The following HEXB variants were observed in gnomAD, a reference collection of about 807,000 sequenced individuals.
The protein encoded by HEXB is beta-hexosaminidase subunit beta.
In HEXB, 51 loss-of-function variants were observed where a neutral mutation model predicts 71.2. The observed-to-expected ratio is 0.72, with a 90% confidence interval of 0.57 to 0.90. The LOEUF (loss-of-function observed/expected upper bound fraction) is 0.90, where lower values mean the gene tolerates loss of function less well. Among genes scored for constraint, HEXB ranks in the 40% least tolerant of loss-of-function variants. The pLI is 0.00. For synonymous variants in HEXB, 266 were observed against 249.3 expected, an observed-to-expected ratio of 1.07 and a Z score of -0.63; for missense variants, 617 against 677.0, an observed-to-expected ratio of 0.91 and a Z score of 0.98.
chr5:74,702,295 G>T (rs1186831865), intron 5 of HEXB, among the ~76,000 whole-genome samples: 2 of 151,166 alleles, frequency 1.3e-5, no homozygotes, highest in Non-Finnish European at 2.9e-5. Flanking sequence ...AGCCGGGATG[G>T]TCTCGATCTC....
chr5:74,672,844 T>C (rs1475959970), intron 1 of HEXB, among the ~76,000 whole-genome samples: 1 of 152,214 alleles, frequency 6.6e-6, no homozygotes, highest in Non-Finnish European at 1.5e-5. Context: ...GAAGGAAGGT[T>C]AAGAAGGACT....
intron 11 of HEXB, 68 bp from the exon 12 acceptor site, chr5:74,720,360 C>A (rs750759385): frequency 8.5e-7 from 1 of 1,174,004 alleles, no homozygotes; most frequent in Non-Finnish European, 1.3e-6. Flanking sequence ...GGAAACAAAT[C>A]TTGATGAAAT....
upstream of HEXB, among the ~76,000 whole-genome samples, chr5:74,681,953 T>C (rs1359457558): frequency 6.6e-6 from 1 of 152,242 alleles, no homozygotes; most frequent in Non-Finnish European, 1.5e-5. Flanking sequence ...ATCATTTGGT[T>C]GGGAGAAGCC....
intron 3 of HEXB, among the ~76,000 whole-genome samples, chr5:74,696,045 C>T (rs756082111): frequency 3.3e-5 from 5 of 152,086 alleles, no homozygotes; most frequent in African/African-American, 1.2e-4. Flanking sequence ...GTTGGAGAGA[C>T]AGGAAGGCGT....
intron 1 of HEXB, among the ~76,000 whole-genome samples, chr5:74,653,526 G>A (rs1277710676): frequency 6.6e-6 from 1 of 152,162 alleles, no homozygotes. Flanking sequence ...GGGCTTCTGT[G>A]ATCAATTCCT....
At chr5:74,682,846 A>C (rs1748764302), upstream of HEXB, among the ~76,000 whole-genome samples, 1 of 152,220 alleles carries the variant, frequency 6.6e-6, no homozygotes, top group South Asian at 2.1e-4. Flanking sequence ...ATCCATCATG[A>C]GTCATGGCTG....
At chr5:74,714,591 G>A (rs1749629235) in intron 7 of HEXB, among the ~76,000 whole-genome samples, 1 of 152,236 alleles carries the variant, frequency 6.6e-6, no homozygotes, top group Non-Finnish European at 1.5e-5. Flanking sequence ...TTTGGAGCCA[G>A]ACAGCTTGGG....
chr5:74,688,545 A>G (rs1005770979), intron 1 of HEXB, among the ~76,000 whole-genome samples: 3 of 152,074 alleles, frequency 2.0e-5, no homozygotes, highest in South Asian at 2.1e-4. Flanking sequence ...TAGTTTCACT[A>G]TGTGGGCCGG....
At chr5:74,716,956 G>A (rs918469038) in intron 9 of HEXB, 1 of 260,238 alleles carries the variant, frequency 3.8e-6, no homozygotes, top group Non-Finnish European at 7.6e-6. Context: ...TTGGGAGGCC[G>A]AGGCAGGTGG....
At chr5:74,655,048 G>A (rs1278054589) in intron 1 of HEXB, among the ~76,000 whole-genome samples, 1 of 152,190 alleles carries the variant, frequency 6.6e-6, no homozygotes, top group Non-Finnish European at 1.5e-5. Context: ...ACCAGGCCAT[G>A]GGAGCAGGTG....
chr5:74,709,669 A>G (rs1396280338), intron 6 of HEXB, among the ~76,000 whole-genome samples: 1 of 152,240 alleles, frequency 6.6e-6, no homozygotes, highest in Non-Finnish European at 1.5e-5. Flanking sequence ...ACCTCTATGC[A>G]AATAAACTAG....
At chr5:74,680,412 G>A (rs1355942471), upstream of HEXB, among the ~76,000 whole-genome samples, 1 of 152,090 alleles carries the variant, frequency 6.6e-6, no homozygotes, top group African/African-American at 2.4e-5. Context: ...CTTGCATTTA[G>A]TTCACAGGTC....
At chr5:74,670,062 C>A (rs1212612760) in intron 1 of HEXB, among the ~76,000 whole-genome samples, 1 of 152,152 alleles carries the variant, frequency 6.6e-6, no homozygotes, top group Non-Finnish European at 1.5e-5. Flanking sequence ...AGCCTGAAAG[C>A]CAAGGTACTA....
At chr5:74,699,271 C>T (rs1749200965) in intron 5 of HEXB, among the ~76,000 whole-genome samples, 1 of 151,746 alleles carries the variant, frequency 6.6e-6, no homozygotes, top group Non-Finnish European at 1.5e-5. Flanking sequence ...CTACCCCCCA[C>T]CCCCTTTTTT....
chr5:74,721,077 T>C (rs1749839525), intron 13 of HEXB, 41 bp from the exon 14 acceptor site: 6 of 1,448,434 alleles, frequency 4.1e-6, no homozygotes, highest in Non-Finnish European at 5.8e-6. Flanking sequence ...ATGATATCAA[T>C]CTAAATCAAT....
At chr5:74,710,549 A>C (rs1749515204) in intron 6 of HEXB, among the ~76,000 whole-genome samples, 1 of 152,184 alleles carries the variant, frequency 6.6e-6, no homozygotes, top group Admixed American at 6.5e-5. Flanking sequence ...CCATTGTCTC[A>C]GCCCAAAATC....
chr5:74,650,191 C>A (rs1388660342), intron 1 of HEXB, among the ~76,000 whole-genome samples: 2 of 152,212 alleles, frequency 1.3e-5, no homozygotes, highest in East Asian at 3.9e-4. Context: ...TGAGCGGGCA[C>A]GGAACCTCCT....
intron 1 of HEXB, among the ~76,000 whole-genome samples, chr5:74,686,109 T>C (rs1482359579): frequency 6.6e-6 from 1 of 151,676 alleles, no homozygotes; most frequent in Non-Finnish European, 1.5e-5. Context: ...ATGTGACATG[T>C]TTGCATCTGA....
chr5:74,684,827 G>A (rs985339867), upstream of HEXB, among the ~76,000 whole-genome samples: 5 of 151,874 alleles, frequency 3.3e-5, no homozygotes, highest in Non-Finnish European at 7.4e-5. Flanking sequence ...ACAGGCACCC[G>A]CCATCATGCT....
Sources: allele counts gnomAD v4.1 joint callset (sites outside exome capture counted in the v4.1 genomes callset), GRCh38; gene constraint gnomAD v4.1.1; transcripts MANE v1.5; gene names NCBI Gene and HGNC (gene_info 2026-07-23, HGNC 2026-07-21).